The following NEK11 variants were observed in gnomAD, a reference collection of about 807,000 sequenced individuals.
NEK11 encodes the protein NIMA related kinase 11, also known as serine/threonine-protein kinase Nek11.
In NEK11, 72 loss-of-function variants were observed where a neutral mutation model predicts 80.7. The observed-to-expected ratio is 0.89, with a 90% confidence interval of 0.74 to 1.08. The LOEUF is 1.08. NEK11 is among the 50% of genes least tolerant of loss of function. The probability of loss-of-function intolerance (pLI) is 0.00; values close to 1 mark genes in which losing one functional copy is unlikely to be tolerated. For missense variants in NEK11, 764 were observed against 763.6 expected (o/e 1.00, Z -0.01); for synonymous variants, 251 against 260.7 (o/e 0.96, Z 0.36).
intron 16 of NEK11, among the ~76,000 whole-genome samples, chr3:131,264,464 T>G (rs1223992252): frequency 6.6e-6 from 1 of 152,220 alleles, no homozygotes; most frequent in Admixed American, 6.5e-5. Flanking sequence ...ATTTATTAAA[T>G]AGGGAATCCT....
At chr3:131,306,584 T>C (rs1379407683) in intron 17 of NEK11, among the ~76,000 whole-genome samples, 1 of 152,202 alleles carries the variant, frequency 6.6e-6, no homozygotes, top group East Asian at 1.9e-4. Context: ...GAGTTGGACA[T>C]TTTCTTTCAC....
At chr3:131,090,822 T>C (rs2076624740) in intron 4 of NEK11, among the ~76,000 whole-genome samples, 1 of 152,180 alleles carries the variant, frequency 6.6e-6, no homozygotes, top group African/African-American at 2.4e-5. Context: ...TGGAGTGCAG[T>C]GGTGCAATCA....
rs138863304 is a variant in NEK11, at chr3:131,185,727, A to G, written c.1399+14840A>G. On this transcript the variant is annotated intron_variant, in intron 14 of 17. Coordinates refer to ENST00000383366, the MANE Select transcript of NEK11 (RefSeq NM_024800.5). ...TAAAAGAGTATTTTGATAACAGTCT[A>G]TAATTCAGTAGTTTTCTCTGACTTA... Among the ~76,000 whole-genome samples, 119 of 152,306 alleles carry G rather than the reference A, an allele frequency of 7.8e-4. 2 individuals carry two copies. In the East Asian group the frequency reaches 0.019, roughly 24 times the overall value.
chr3:131,255,107 A>T (rs1343478927), intron 16 of NEK11, among the ~76,000 whole-genome samples: 1 of 151,026 alleles, frequency 6.6e-6, no homozygotes, highest in Non-Finnish European at 1.5e-5. Flanking sequence ...AAAGAAAGAA[A>T]GAAAGAAAGA....
At chr3:131,347,215 C>A (rs2097375704) in intron 17 of NEK11, among the ~76,000 whole-genome samples, 1 of 152,168 alleles carries the variant, frequency 6.6e-6, no homozygotes, top group Non-Finnish European at 1.5e-5. Context: ...GCATTTGAGT[C>A]CAAACTCTAC....
At chr3:131,215,429 A>C (rs1049289128) in intron 14 of NEK11, among the ~76,000 whole-genome samples, 2 of 152,128 alleles carry the variant, frequency 1.3e-5, no homozygotes, top group Non-Finnish European at 2.9e-5. Flanking sequence ...TAACAAAAAA[A>C]TATATAAAAA....
chr3:131,270,542 T>C (rs2096161938), intron 16 of NEK11, among the ~76,000 whole-genome samples: 1 of 152,244 alleles, frequency 6.6e-6, no homozygotes, highest in Non-Finnish European at 1.5e-5. Context: ...TTTATTATGA[T>C]TGTTAAATGA....
At position 131,347,842 on chromosome 3, in the gene NEK11, G is replaced by T. The variant is rs111380402; in HGVS notation, c.1719-1715G>T. Among the ~76,000 whole-genome samples, 1,492 of 152,060 alleles carry T rather than the reference G, an allele frequency of 9.8e-3. 21 individuals carry two copies. Among genetic ancestry groups the T allele is most frequent in the African/African-American group, 0.032 (1,335 of 41,472 alleles). On this transcript the variant is annotated intron_variant, in intron 17 of 17. Coordinates refer to ENST00000383366, the MANE Select transcript of NEK11 (RefSeq NM_024800.5). ...TAATCCCAGCTACTCGGGAGGCTGAGGCAGGAGAATCGCTTGAACCTGGGA... is the reference window on the plus strand; with the variant it reads ...TAATCCCAGCTACTCGGGAGGCTGATGCAGGAGAATCGCTTGAACCTGGGA...
chr3:131,219,747 C>T (rs1397814426), intron 14 of NEK11, among the ~76,000 whole-genome samples: 1 of 152,094 alleles, frequency 6.6e-6, no homozygotes, highest in Admixed American at 6.6e-5. Flanking sequence ...TTAAATCACC[C>T]AATCTGTGGT....
intron 4 of NEK11, 97 bp from the exon 5 acceptor site, chr3:131,109,706 T>G: frequency 1.6e-6 from 2 of 1,244,680 alleles, no homozygotes; most frequent in Non-Finnish European, 2.2e-6. Context: ...TGGCACTTTC[T>G]TATAAACAGT....
intron 17 of NEK11, among the ~76,000 whole-genome samples, chr3:131,299,913 G>A (rs2096642585): frequency 6.6e-6 from 1 of 152,184 alleles, no homozygotes; most frequent in Admixed American, 6.5e-5. Flanking sequence ...TTGCTAGGAT[G>A]ATTGGTAGTT....
intron 14 of NEK11, among the ~76,000 whole-genome samples, chr3:131,198,650 A>T (rs1033753945): frequency 3.3e-5 from 5 of 152,216 alleles, no homozygotes; most frequent in African/African-American, 1.2e-4. Context: ...TTACTCAGGT[A>T]TGCCATGGGT....
At chr3:131,303,288 C>T (rs2096682515) in intron 17 of NEK11, among the ~76,000 whole-genome samples, 1 of 152,164 alleles carries the variant, frequency 6.6e-6, no homozygotes, top group Admixed American at 6.5e-5. Context: ...TCCAACTCGA[C>T]ACAGTGCCTT....
intron 15 of NEK11, among the ~76,000 whole-genome samples, chr3:131,229,992 T>C (rs1444023325): frequency 2.6e-5 from 4 of 152,110 alleles, no homozygotes; most frequent in Non-Finnish European, 5.9e-5. Flanking sequence ...AAAATATAAT[T>C]TCTACTACCT....
At chr3:131,106,390 C>CT (rs1172471138) in intron 4 of NEK11, among the ~76,000 whole-genome samples, 1 of 150,712 alleles carries the variant, frequency 6.6e-6, no homozygotes, top group African/African-American at 2.4e-5. Flanking sequence ...TTGACTCTTG[C>CT]TTTTAACAAT....
intron 3 of NEK11, among the ~76,000 whole-genome samples, chr3:131,041,077 G>A (rs1310280401): frequency 6.6e-6 from 1 of 152,196 alleles, no homozygotes; most frequent in Non-Finnish European, 1.5e-5. Flanking sequence ...TACACTGTGA[G>A]TTTGGGGATA....
intron 17 of NEK11, among the ~76,000 whole-genome samples, chr3:131,280,368 C>CT (rs11394728): frequency 0.13 from 19,266 of 150,992 alleles, 1,760 homozygotes; most frequent in East Asian, 0.3. Flanking sequence ...GTGCTATGCT[C>CT]TTTTTTTTTA....
intron 3 of NEK11, among the ~76,000 whole-genome samples, chr3:131,054,748 CTAAA>C (rs538450777): frequency 0.016 from 2,127 of 132,660 alleles, 52 homozygotes; most frequent in African/African-American, 0.052. Context: ...CAGCCTGCCT[CTAAA>C]TAAATAAATA....
At chr3:131,209,362 T>C (rs1008752012) in intron 14 of NEK11, among the ~76,000 whole-genome samples, 5 of 152,240 alleles carry the variant, frequency 3.3e-5, no homozygotes, top group African/African-American at 1.2e-4. Flanking sequence ...TTTGATGTGC[T>C]GCTGGATTTG....
Sources: gnomAD v4.1 joint callset for allele counts (sites outside exome capture counted in the v4.1 genomes callset) on GRCh38, gnomAD v4.1.1 for gene constraint, MANE v1.5 for transcripts, NCBI Gene and HGNC (gene_info 2026-07-23, HGNC 2026-07-21) for gene names.